ADCY10: variants seen among roughly 807,000 people sequenced by gnomAD.
The protein encoded by ADCY10 is adenylate cyclase 10.
Under a neutral mutation model 183.3 loss-of-function variants are expected in ADCY10, and 156 were observed. The observed-to-expected ratio is 0.85, with a 90% CI of 0.75 to 0.97. The LOEUF (loss-of-function observed/expected upper bound fraction) is 0.97, where lower values mean the gene tolerates loss of function less well. Ranked by LOEUF, ADCY10 falls within the 50% of genes least tolerant of loss-of-function variation. ADCY10 has a pLI of 0.00. For missense variants in ADCY10, 1,745 were observed against 1,934.3 expected (o/e 0.90, Z 1.84); for synonymous variants, 645 against 670.0 (o/e 0.96, Z 0.58).
At chr1:167,831,484 A>C (rs1014245402) in intron 25 of ADCY10, among the ~76,000 whole-genome samples, 1 of 152,174 alleles carries the variant, frequency 6.6e-6, no homozygotes, top group South Asian at 2.1e-4. Flanking sequence ...GTGAGCCACA[A>C]CACCCAGCCC....
At chr1:167,815,122 C>T (rs1662449709) in intron 31 of ADCY10, among the ~76,000 whole-genome samples, 1 of 151,978 alleles carries the variant, frequency 6.6e-6, no homozygotes, top group African/African-American at 2.4e-5. Context: ...GAGACTCTGT[C>T]TCCAACAACA....
At position 167,809,645 on chromosome 1, in the gene ADCY10, T is replaced by C. The variant is rs374079289; in HGVS notation, c.*33A>G. On this transcript the variant is annotated 3_prime_UTR_variant, in exon 33 of 33. Coordinates refer to ENST00000367851, the MANE Select transcript of ADCY10 (RefSeq NM_018417.6). ...TCAATAATAGATAATCACAAGGACA[T>C]AGTGCTTATTAAAATCTTTTTTCTT... is the stretch of plus-strand genomic sequence containing the variant. The C allele has an allele frequency of 5.8e-5, 93 of 1,610,224 alleles. No homozygotes were observed. Among genetic ancestry groups the C allele is most frequent in the Non-Finnish European group, 7.4e-5 (87 of 1,176,600 alleles).
chr1:167,878,847 T>C (rs1667678535), intron 11 of ADCY10, among the ~76,000 whole-genome samples: 1 of 152,188 alleles, frequency 6.6e-6, no homozygotes. Flanking sequence ...AGTTTCTGCC[T>C]CACTTGGGAG....
chr1:167,835,097 A>G (rs972905440), intron 23 of ADCY10, among the ~76,000 whole-genome samples: 1 of 152,218 alleles, frequency 6.6e-6, no homozygotes, highest in African/African-American at 2.4e-5. Flanking sequence ...ACCAGTAGCA[A>G]CTGTAAATTA....
chr1:167,911,638 C>A lies in ADCY10; in HGVS notation c.-59+2338G>T, dbSNP rs139526704. 7.9e-5 allele frequency among the ~76,000 whole-genome samples: 12 copies of A among 152,262 alleles called. No individual in the cohort carries two copies. The East Asian group carries it at 2.3e-3, about 29-fold the overall frequency. On this transcript the variant is annotated intron_variant, in intron 1 of 32. Coordinates refer to ENST00000367851, the MANE Select transcript of ADCY10 (RefSeq NM_018417.6). Reference sequence around the variant, plus strand: ...TGAACGTGTCAGGTTATAAATGACCCCGTCTCCTTTGTTCAGTGTACTCTC... The same window carrying A: ...TGAACGTGTCAGGTTATAAATGACCACGTCTCCTTTGTTCAGTGTACTCTC...
intron 14 of ADCY10, among the ~76,000 whole-genome samples, chr1:167,865,497 G>A (rs1666615577): frequency 1.3e-5 from 2 of 152,008 alleles, no homozygotes; most frequent in African/African-American, 4.8e-5. Context: ...ATGTCTATGA[G>A]GTTTTATTAA....
chr1:167,871,945 C>T (rs1667130157), intron 13 of ADCY10, among the ~76,000 whole-genome samples: 1 of 152,200 alleles, frequency 6.6e-6, no homozygotes, highest in African/African-American at 2.4e-5. Context: ...CATAGCTGCA[C>T]ACCAACATGG....
At chr1:167,838,875 G>A (rs923449795) in intron 21 of ADCY10, among the ~76,000 whole-genome samples, 6 of 152,158 alleles carry the variant, frequency 3.9e-5, no homozygotes, top group Non-Finnish European at 7.4e-5. Flanking sequence ...AAGCATCACT[G>A]TCATATATCC....
rs1665738609 is a variant in ADCY10, at chr1:167,854,450, A to G, written c.2211T>C (p.Cys737=). Residue 737 remains cysteine (C), a synonymous_variant, in exon 18 of 33, where the codon TGT becomes TGC. Coordinates refer to ENST00000367851, the MANE Select transcript of ADCY10 (RefSeq NM_018417.6). ...GEGSCGIPFY[C]EELLKNLEHH... ...GTTCCAGGTTTTTAAGCAATTCTTC[A>G]CAGTAAAATGGAATCCCACAGCTTC... 3 of 1,614,216 alleles carry G rather than the reference A, an allele frequency of 1.9e-6. No homozygotes were observed. The highest frequency in any genetic ancestry group is 1.7e-6 in the Non-Finnish European group (2 of 1,180,034).
At chr1:167,881,200 G>A (rs1667849685) in intron 9 of ADCY10, among the ~76,000 whole-genome samples, 1 of 152,106 alleles carries the variant, frequency 6.6e-6, no homozygotes, top group Non-Finnish European at 1.5e-5. Flanking sequence ...CTGTAAGTAG[G>A]TTTTCTTATC....
intron 16 of ADCY10, among the ~76,000 whole-genome samples, chr1:167,857,298 A>G (rs1665980064): frequency 1.3e-5 from 2 of 152,184 alleles, no homozygotes; most frequent in Admixed American, 1.3e-4. Context: ...CAGTCATTAT[A>G]AAGTGTTATA....
intron 14 of ADCY10, among the ~76,000 whole-genome samples, chr1:167,868,102 A>G (rs565833911): frequency 1.6e-4 from 24 of 152,378 alleles, no homozygotes; most frequent in African/African-American, 5.0e-4. Flanking sequence ...CTCCGGAACC[A>G]GTATTTCAGA....
In ADCY10 at chr1:167,898,593, CG is replaced by C. The variant is rs1471773748; in HGVS notation, c.642+829del. ...TAGCCTGGTCAACAGAGCGAGACTC[CG>C]TTTTTTTTTTTTTAAAAAAAGAATG... is the stretch of plus-strand genomic sequence containing the variant. On this transcript the variant is annotated intron_variant, in intron 6 of 32. Coordinates refer to ENST00000367851, the MANE Select transcript of ADCY10 (RefSeq NM_018417.6). 1.0e-4 allele frequency among the ~76,000 whole-genome samples: 4 copies of C among 38,980 alleles called. No homozygotes were observed. The Admixed American group carries it at 1.6e-3, about 16-fold the overall frequency. 25.6% of individuals were successfully genotyped at this position (38,980 alleles called of 152,430 possible).
intron 8 of ADCY10, among the ~76,000 whole-genome samples, chr1:167,884,694 A>ATTTT (rs71100911): frequency 1.1e-4 from 12 of 108,620 alleles, no homozygotes; most frequent in South Asian, 6.1e-4. Flanking sequence ...AATCATTTTA[A>ATTTT]TTTTTTTTTT....
chr1:167,821,973 G>T, intron 30 of ADCY10, 51 bp downstream of exon 30: 1 of 1,240,144 alleles, frequency 8.1e-7, no homozygotes. Flanking sequence ...CTCTTCCTTG[G>T]GATTCAACAT....
chr1:167,897,129 T>TGACA (rs1669035871), intron 6 of ADCY10, among the ~76,000 whole-genome samples: 2 of 151,198 alleles, frequency 1.3e-5, no homozygotes, highest in South Asian at 2.1e-4. Context: ...ACACATGTGA[T>TGACA]GACACACTGA....
chr1:167,871,929 A>AGGCTGCAT (rs1277524095), intron 13 of ADCY10, among the ~76,000 whole-genome samples: 1 of 152,378 alleles, frequency 6.6e-6, no homozygotes, highest in Non-Finnish European at 1.5e-5. Flanking sequence ...GAGGCTTCAA[A>AGGCTGCAT]GGCTGCATAG....
chr1:167,863,876 G>GT (rs1354183623), intron 14 of ADCY10, among the ~76,000 whole-genome samples: 1 of 152,224 alleles, frequency 6.6e-6, no homozygotes, highest in Non-Finnish European at 1.5e-5. Flanking sequence ...CTCCATTTGA[G>GT]TGGAAGCATG....
chr1:167,878,787 A>G, intron 11 of ADCY10, 152 bp from the exon 12 acceptor site: 1 of 780,556 alleles, frequency 1.3e-6, no homozygotes, highest in South Asian at 1.7e-5. Flanking sequence ...ACCCATATTC[A>G]GCCAATGGCT....
Sources: allele counts gnomAD v4.1 joint callset (sites outside exome capture counted in the v4.1 genomes callset), GRCh38; gene constraint gnomAD v4.1.1; transcripts MANE v1.5; gene names NCBI Gene and HGNC (gene_info 2026-07-23, HGNC 2026-07-21).